The following LHFPL2 variants were observed in gnomAD, a reference collection of about 807,000 sequenced individuals.
LHFPL2 encodes the protein LHFPL tetraspan subfamily member 2, also known as LHFPL tetraspan subfamily member 2 protein.
In LHFPL2, 7 loss-of-function variants were observed where a neutral mutation model predicts 17.5. The ratio of observed to expected loss-of-function variants is 0.40; its 90% CI spans 0.23 to 0.75. LHFPL2 has a LOEUF of 0.75. Ranked by LOEUF, LHFPL2 falls within the 30% of genes least tolerant of loss-of-function variation. The probability of loss-of-function intolerance (pLI) is 0.37; values close to 1 mark genes in which losing one functional copy is unlikely to be tolerated. For missense variants in LHFPL2, 241 were observed against 294.8 expected (o/e 0.82, Z 1.34); for synonymous variants, 134 against 116.2 (o/e 1.15, Z -0.99).
intron 2 of LHFPL2, among the ~76,000 whole-genome samples, chr5:78,582,025 G>A (rs991739766): frequency 2.0e-5 from 3 of 152,306 alleles, no homozygotes; most frequent in African/African-American, 7.2e-5. Flanking sequence ...TTGGGAGAGT[G>A]TATGTGTCAA....
rs761317336 is a variant in LHFPL2 at position 78,509,917 on chromosome 5, G to A, written c.297C>T (p.Ala99=). The change falls in exon 4 of 5, where the codon GCC becomes GCT. Residue 99 remains alanine (A), a synonymous_variant. Coordinates refer to ENST00000380345, the MANE Select transcript of LHFPL2 (RefSeq NM_005779.3). ...TTCCCACAGCCAGGAAAATAGCTGT[G>A]GCCTGCCAGAAGCCGCTGGCGATCT... The part of the protein sequence containing the change: ...FGEIASGFWQ[A]TAIFLAVGIF... 2.5e-6 allele frequency: 4 copies of A among 1,613,620 alleles called. No homozygotes were observed. Among genetic ancestry groups the A allele is most frequent in the South Asian group, 1.1e-5 (1 of 91,090 alleles).
intron 3 of LHFPL2, among the ~76,000 whole-genome samples, chr5:78,563,463 A>G (rs1310452094): frequency 6.6e-6 from 1 of 152,150 alleles, no homozygotes; most frequent in Non-Finnish European, 1.5e-5. Context: ...TGGGAGGCTG[A>G]GGTGGGCAGA....
chr5:78,585,463 G>A (rs537498319), intron 2 of LHFPL2, among the ~76,000 whole-genome samples: 208 of 152,036 alleles, frequency 1.4e-3, no homozygotes, highest in Non-Finnish European at 2.1e-3. Flanking sequence ...GCCCTGCTTC[G>A]GCTCACGCAC....
chr5:78,642,015 T>TGG (rs548078911), intron 1 of LHFPL2: 2 of 152,170 alleles, frequency 1.3e-5, no homozygotes, highest in Non-Finnish European at 2.9e-5. Flanking sequence ...CTCACAGTTC[T>TGG]GAAGGCTGGG....
intron 4 of LHFPL2, among the ~76,000 whole-genome samples, chr5:78,501,149 T>C (rs1258038791): frequency 6.6e-6 from 1 of 152,202 alleles, no homozygotes; most frequent in Non-Finnish European, 1.5e-5. Flanking sequence ...TCCAGAAAGA[T>C]TGTTGGGAGG....
intron 3 of LHFPL2, among the ~76,000 whole-genome samples, chr5:78,562,603 C>CTA (rs1756757933): frequency 6.7e-6 from 1 of 149,726 alleles, no homozygotes; most frequent in South Asian, 2.1e-4. Context: ...TCACTGCACT[C>CTA]CAGCCTGAGT....
At chr5:78,623,579 TAA>T (rs1017816779) in intron 2 of LHFPL2, among the ~76,000 whole-genome samples, 31 of 152,344 alleles carry the variant, frequency 2.0e-4, no homozygotes, top group African/African-American at 7.2e-4. Flanking sequence ...TCTTCTGCAC[TAA>T]AGAGTGTGCA....
chr5:78,546,733 C>T (rs920582369), intron 3 of LHFPL2, among the ~76,000 whole-genome samples: 8 of 152,184 alleles, frequency 5.3e-5, no homozygotes, highest in African/African-American at 1.9e-4. Context: ...ATATTGACTA[C>T]GAGTTTCTTG....
Position 78,525,568 on chromosome 5 carries a change from G to T in LHFPL2, c.-185-15170C>A, listed in dbSNP as rs138174487. On this transcript the variant is annotated intron_variant, in intron 3 of 4. Transcript: ENST00000380345. ...AAAGGCTAGTGTGTTAGAAACACAC[G>T]GCCACTTATTAACACTCACCTTGAT... 5.6e-3 allele frequency among the ~76,000 whole-genome samples: 858 copies of T among 152,232 alleles called. 7 individuals are homozygous for T. Among genetic ancestry groups the T allele is most frequent in the African/African-American group, 0.02 (813 of 41,526 alleles).
intron 3 of LHFPL2, among the ~76,000 whole-genome samples, chr5:78,540,301 C>G (rs1160087663): frequency 3.9e-5 from 6 of 152,178 alleles, no homozygotes; most frequent in African/African-American, 1.4e-4. Context: ...TTGTTTGTTT[C>G]CTTAAAAAGG....
At chr5:78,585,201 T>C (rs1580833545) in intron 2 of LHFPL2, among the ~76,000 whole-genome samples, 1 of 94,620 alleles carries the variant, frequency 1.1e-5, no homozygotes, top group South Asian at 3.1e-4. Flanking sequence ...AGAGACGGGG[T>C]TTCACCGTTT....
intron 2 of LHFPL2, among the ~76,000 whole-genome samples, chr5:78,588,852 C>T (rs943647834): frequency 1.3e-5 from 2 of 152,208 alleles, no homozygotes; most frequent in Non-Finnish European, 2.9e-5. Context: ...ATGTAAGTTA[C>T]TCTCCTTATT....
At chr5:78,570,379 A>C (rs1756964304) in intron 2 of LHFPL2, among the ~76,000 whole-genome samples, 2 of 152,160 alleles carry the variant, frequency 1.3e-5, no homozygotes, top group East Asian at 3.9e-4. Flanking sequence ...AATCGCAGGC[A>C]GCAATGGAGC....
chr5:78,529,837 C>A (rs529115999), intron 3 of LHFPL2, among the ~76,000 whole-genome samples: 1 of 152,290 alleles, frequency 6.6e-6, no homozygotes, highest in African/African-American at 2.4e-5. Flanking sequence ...GTGAATCATA[C>A]CCACAAAATG....
chr5:78,552,380 G>A (rs578157001), intron 3 of LHFPL2, among the ~76,000 whole-genome samples: 2 of 152,298 alleles, frequency 1.3e-5, no homozygotes, highest in East Asian at 3.9e-4. Context: ...TGATCCACCT[G>A]CCTCGGCCTC....
chr5:78,502,369 A>G (rs546726299), intron 4 of LHFPL2, among the ~76,000 whole-genome samples: 2 of 152,352 alleles, frequency 1.3e-5, no homozygotes, highest in South Asian at 4.1e-4. Flanking sequence ...CCTGTTTAAA[A>G]GCAAATTACT....
At chr5:78,605,036 C>T (rs10067743) in intron 2 of LHFPL2, among the ~76,000 whole-genome samples, 1 of 152,166 alleles carries the variant, frequency 6.6e-6, no homozygotes, top group Non-Finnish European at 1.5e-5. Context: ...CTGAAAAACT[C>T]ATCTTTCAAA....
chr5:78,600,668 C>T (rs775143335), intron 2 of LHFPL2, among the ~76,000 whole-genome samples: 3 of 152,142 alleles, frequency 2.0e-5, no homozygotes, highest in African/African-American at 4.8e-5. Context: ...GTGGAGGCTG[C>T]GGTGAGCCAA....
intron 3 of LHFPL2, among the ~76,000 whole-genome samples, chr5:78,533,399 CA>C (rs1383847924): frequency 3.3e-5 from 5 of 152,192 alleles, no homozygotes; most frequent in Non-Finnish European, 5.9e-5. Flanking sequence ...AGACTTATGA[CA>C]AATGCATATG....
Sources: gnomAD v4.1 joint callset for allele counts (sites outside exome capture counted in the v4.1 genomes callset) on GRCh38, gnomAD v4.1.1 for gene constraint, MANE v1.5 for transcripts, NCBI Gene and HGNC (gene_info 2026-07-23, HGNC 2026-07-21) for gene names.